Variants in GAB1 observed in about 807,000 individuals in gnomAD.
GAB1 encodes the protein GRB2 associated binding protein 1, also known as GRB2-associated-binding protein 1.
Under a neutral mutation model 66.5 loss-of-function variants are expected in GAB1, and 19 were observed. The observed-to-expected ratio is 0.29, with a 90% CI of 0.20 to 0.42. The LOEUF (loss-of-function observed/expected upper bound fraction) is 0.42. Ranked by LOEUF, GAB1 falls within the 10% of genes least tolerant of loss-of-function variation. The pLI, the probability that GAB1 is intolerant of heterozygous loss-of-function variation, is 1.00. For synonymous variants in GAB1, 294 were observed against 301.4 expected (o/e 0.98, Z 0.25); for missense variants, 732 against 858.5 (o/e 0.85, Z 1.84).
intron 1 of GAB1, among the ~76,000 whole-genome samples, chr4:143,356,739 A>AAT (rs1729462833): frequency 6.6e-6 from 1 of 152,138 alleles, no homozygotes; most frequent in African/African-American, 2.4e-5. Context: ...ACATATTTTG[A>AAT]ATAACTGTAT....
At chr4:143,441,998 A>T (rs1261691784) in intron 6 of GAB1, among the ~76,000 whole-genome samples, 1 of 149,452 alleles carries the variant, frequency 6.7e-6, no homozygotes, top group Non-Finnish European at 1.5e-5. Flanking sequence ...CTCAGAAAGG[A>T]TGTGAGCATC....
At chr4:143,450,393 G>A (rs1260088392) in intron 6 of GAB1, among the ~76,000 whole-genome samples, 2 of 152,090 alleles carry the variant, frequency 1.3e-5, no homozygotes, top group African/African-American at 2.4e-5. Context: ...AAAAATTTAG[G>A]CTTTGTAAAG....
rs35941121 is a variant in GAB1, at chr4:143,423,862, AT to A, written c.367+8101del. Among the ~76,000 whole-genome samples, 300 of 124,600 alleles carry A rather than the reference AT, an allele frequency of 2.4e-3. 2 individuals are homozygous for A. The highest frequency in any genetic ancestry group is 7.7e-3 in the African/African-American group (279 of 36,216). 81.7% of individuals were successfully genotyped at this position (124,600 alleles called of 152,430 possible). A position where few individuals can be genotyped will look rare whatever the true frequency, so the allele number is the denominator to read the frequency against. On this transcript the variant is annotated intron_variant, in intron 2 of 9. Transcript: ENST00000262994. ...TGTCTTCACGTGCTATGAAAAGGAT[AT>A]TTTTTTTTTAAAAAAAAGGAAACTT... is the stretch of plus-strand genomic sequence containing the variant.
chr4:143,421,110 CT>C (rs774803436), intron 2 of GAB1, among the ~76,000 whole-genome samples: 166 of 152,144 alleles, frequency 1.1e-3, no homozygotes, highest in Middle Eastern at 0.01. Flanking sequence ...CCCAAATTAA[CT>C]TTTTTAAAAA....
At chr4:143,399,813 A>G (rs1731664921) in intron 1 of GAB1, among the ~76,000 whole-genome samples, 1 of 152,096 alleles carries the variant, frequency 6.6e-6, no homozygotes, top group African/African-American at 2.4e-5. Context: ...TTTTTCTGGT[A>G]TGTCTACCAG....
At chr4:143,465,740 C>T (rs569641134) in intron 8 of GAB1, among the ~76,000 whole-genome samples, 10 of 152,018 alleles carry the variant, frequency 6.6e-5, no homozygotes, top group East Asian at 1.9e-4. Flanking sequence ...TTAGATAAAA[C>T]GTAGAAAGTT....
At chr4:143,384,870 C>T (rs1730828112) in intron 1 of GAB1, among the ~76,000 whole-genome samples, 1 of 152,192 alleles carries the variant, frequency 6.6e-6, no homozygotes, top group African/African-American at 2.4e-5. Context: ...GACTAAGTCA[C>T]TTAACCTTGT....
At chr4:143,351,810 C>T (rs1020080632) in intron 1 of GAB1, among the ~76,000 whole-genome samples, 3 of 152,316 alleles carry the variant, frequency 2.0e-5, no homozygotes, top group South Asian at 4.1e-4. Context: ...ACTAAACACT[C>T]TATTGCACAG....
chr4:143,422,498 C>T (rs1289144453), intron 2 of GAB1, among the ~76,000 whole-genome samples: 4 of 152,138 alleles, frequency 2.6e-5, no homozygotes, highest in East Asian at 3.8e-4. Flanking sequence ...AAGTTTGAAA[C>T]GTTCTACCTT....
chr4:143,367,719 G>GT (rs71588248), intron 1 of GAB1, among the ~76,000 whole-genome samples: 10,203 of 94,592 alleles, frequency 0.11, 729 homozygotes, highest in African/African-American at 0.17. Flanking sequence ...TCAGATGAGG[G>GT]TTTTTTTTTT....
intron 3 of GAB1, among the ~76,000 whole-genome samples, chr4:143,435,063 T>C (rs1341140814): frequency 6.6e-6 from 1 of 152,192 alleles, no homozygotes; most frequent in Non-Finnish European, 1.5e-5. Flanking sequence ...AACAAGATTA[T>C]AATTAAGCAT....
intron 2 of GAB1, among the ~76,000 whole-genome samples, chr4:143,430,031 A>G (rs999624545): frequency 3.3e-5 from 5 of 152,212 alleles, no homozygotes; most frequent in African/African-American, 1.2e-4. Flanking sequence ...CTGTGAGTTC[A>G]GTCCATTTAG....
Position 143,469,339 on chromosome 4 carries a change from A to G in GAB1, c.*150A>G. ...CCTTTCTGACATAATCAAGCAATTT[A>G]GACTTAAGTGGTGCTTTGTGGTATC... On this transcript the variant is annotated 3_prime_UTR_variant, in exon 10 of 10. Transcript: ENST00000262994. The G allele has an allele frequency of 1.4e-6, 1 of 720,224 alleles. No individual in the cohort carries two copies. Among genetic ancestry groups the G allele is most frequent in the East Asian group, 2.7e-5 (1 of 36,594 alleles). 44.6% of individuals were successfully genotyped at this position (720,224 alleles called of 1,614,324 possible).
At chr4:143,377,627 A>G (rs1379295441) in intron 1 of GAB1, among the ~76,000 whole-genome samples, 1 of 152,210 alleles carries the variant, frequency 6.6e-6, no homozygotes, top group African/African-American at 2.4e-5. Context: ...TCTAAGTTGA[A>G]TAACTGTATA....
At chr4:143,459,216 T>C (rs964372735) in intron 6 of GAB1, among the ~76,000 whole-genome samples, 169 bp from the exon 7 acceptor site, 1 of 152,184 alleles carries the variant, frequency 6.6e-6, no homozygotes, top group African/African-American at 2.4e-5. Context: ...CTTAGCTATG[T>C]AACCTTGGGC....
At chr4:143,429,000 TAAAAA>T (rs1733508869) in intron 2 of GAB1, among the ~76,000 whole-genome samples, 1 of 152,044 alleles carries the variant, frequency 6.6e-6, no homozygotes, top group South Asian at 2.1e-4. Context: ...GTATAATAAA[TAAAAA>T]TAAATAAAAA....
At chr4:143,451,265 A>G (rs1007691641) in intron 6 of GAB1, among the ~76,000 whole-genome samples, 1 of 152,142 alleles carries the variant, frequency 6.6e-6, no homozygotes, top group Non-Finnish European at 1.5e-5. Context: ...TAGAATAAAC[A>G]ACATGCCCAG....
chr4:143,339,464 T>C (rs1728758651), intron 1 of GAB1, among the ~76,000 whole-genome samples: 2 of 152,266 alleles, frequency 1.3e-5, no homozygotes, highest in African/African-American at 4.8e-5. Flanking sequence ...TGAGCAGAGT[T>C]TGTGCCATTG....
At chr4:143,394,282 CAAAACAAAAAAAAGGT>C (rs1560738636) in intron 1 of GAB1, among the ~76,000 whole-genome samples, 38 of 150,870 alleles carry the variant, frequency 2.5e-4, no homozygotes, top group African/African-American at 7.8e-4. Context: ...TGTCTCAAAA[CAAAACAAAAAAAAGGT>C]AGTCAGCAGA....
Sources: gnomAD v4.1 joint callset for allele counts (sites outside exome capture counted in the v4.1 genomes callset) on GRCh38, gnomAD v4.1.1 for gene constraint, MANE v1.5 for transcripts, NCBI Gene and HGNC (gene_info 2026-07-23, HGNC 2026-07-21) for gene names.